The following MAP3K7 variants were observed in gnomAD, a reference collection of about 807,000 sequenced individuals.
MAP3K7 encodes the protein mitogen-activated protein kinase kinase kinase 7, also known as TGF-beta activated kinase 1.
A neutral mutation model predicts 84.8 loss-of-function variants in MAP3K7; 21 were observed. The ratio of observed to expected loss-of-function variants is 0.25; its 90% CI spans 0.18 to 0.36. The LOEUF is 0.36. MAP3K7 is among the 10% of genes least tolerant of loss of function. The pLI is 1.00. For missense variants in MAP3K7, 503 were observed against 747.7 expected, an observed-to-expected ratio of 0.67 and a Z score of 3.82; for synonymous variants, 241 against 247.7, an observed-to-expected ratio of 0.97 and a Z score of 0.25.
intron 3 of MAP3K7, among the ~76,000 whole-genome samples, chr6:90,562,507 G>A (rs1776557081): frequency 6.6e-6 from 1 of 152,168 alleles, no homozygotes. Flanking sequence ...CAACTGCAAG[G>A]CGGCAGCGAC....
At chr6:90,544,258 C>T (rs1351631558) in intron 12 of MAP3K7, among the ~76,000 whole-genome samples, 1 of 152,034 alleles carries the variant, frequency 6.6e-6, no homozygotes, top group South Asian at 2.1e-4. Context: ...GGGTTTAGCT[C>T]ATGTGCTCAC....
At chr6:90,529,638 A>G (rs1218528477) in intron 13 of MAP3K7, among the ~76,000 whole-genome samples, 1 of 152,186 alleles carries the variant, frequency 6.6e-6, no homozygotes, top group African/African-American at 2.4e-5. Flanking sequence ...TTATCTATCT[A>G]TAAGGTTATA....
At chr6:90,564,556 C>T (rs1057420662) in intron 3 of MAP3K7, among the ~76,000 whole-genome samples, 41 of 152,234 alleles carry the variant, frequency 2.7e-4, no homozygotes, top group Non-Finnish European at 1.6e-4. Context: ...ACAGGAGCAC[C>T]CAGATTCATA....
intron 9 of MAP3K7, among the ~76,000 whole-genome samples, 174 bp from the exon 10 acceptor site, chr6:90,548,351 A>T (rs1776071016): frequency 1.3e-5 from 2 of 152,226 alleles, no homozygotes; most frequent in Non-Finnish European, 2.9e-5. Context: ...AAACTTAAGG[A>T]TAGCACAAAA....
intron 1 of MAP3K7, among the ~76,000 whole-genome samples, chr6:90,582,507 G>C (rs1283332451): frequency 6.6e-6 from 1 of 152,154 alleles, no homozygotes; most frequent in East Asian, 1.9e-4. Context: ...AAAAGATCTA[G>C]GTTGTTCAGG....
rs765394144 is a variant in MAP3K7, at chr6:90,536,434, A to T, written c.1292-33T>A. On this transcript the variant is annotated intron_variant, in intron 12 of 16. Transcript: ENST00000369329. The stretch of plus-strand genomic sequence containing the variant: ...AAGAAGAAAAAAAGTAAAATACTAA[A>T]ATCTAGTCAAACAGACAAAAAGCGT... 11 of 1,537,984 alleles carry T rather than the reference A, an allele frequency of 7.2e-6. No homozygotes were observed. The South Asian group carries it at 9.0e-5, about 13-fold the overall frequency.
Position 90,547,356 on chromosome 6 carries a change from G to C in MAP3K7, c.1112C>G (p.Ser371Cys). The C allele has an allele frequency of 6.2e-7, 1 of 1,612,368 alleles. No homozygotes were observed. The highest frequency in any genetic ancestry group is 8.5e-7 in the Non-Finnish European group (1 of 1,179,366). ...SESGRLSLGA[S>C]RGSSVESLPP... ...CAAGCTCTCCACACTGCTCCCACGG[G>C]AGGCTCCCAAGCTTAAACGTCCAGA... is the stretch of plus-strand genomic sequence containing the variant. The change falls in exon 11 of 17, where the codon TCC becomes TGC. Residue 371 changes from serine (S) to cysteine (C), a missense_variant. Coordinates refer to ENST00000369329, the MANE Select transcript of MAP3K7 (RefSeq NM_145331.3).
intron 8 of MAP3K7, chr6:90,550,796 A>T: frequency 3.0e-6 from 1 of 330,040 alleles, no homozygotes; most frequent in South Asian, 5.1e-5. Flanking sequence ...CTAGAGAAAC[A>T]TATGAAATAA....
chr6:90,516,596 C>T lies in MAP3K7; in HGVS notation c.1726G>A (p.Asp576Asn). 3.7e-6 allele frequency: 6 copies of T among 1,612,582 alleles called. No homozygotes were observed. Among genetic ancestry groups the T allele is most frequent in the Non-Finnish European group, 5.1e-6 (6 of 1,179,050 alleles). ...TAAGTAGAAAGGCTTTTGTTTTCAT[C>T]TAAAAGCTTTTTATGTTCCTGTACC... ...RLVQEHKKLL[D>N]ENKSLSTYYQ... is the part of the protein sequence containing the mutation. Residue 576 changes from aspartate (D) to asparagine (N), a missense_variant, in exon 17 of 17, where the codon GAT becomes AAT. By Grantham distance (23) the Asp-to-Asn change is conservative. Transcript: ENST00000369329.
At chr6:90,576,473 A>ACACACAC (rs1554186475) in intron 1 of MAP3K7, among the ~76,000 whole-genome samples, 1 of 148,990 alleles carries the variant, frequency 6.7e-6, no homozygotes, top group Non-Finnish European at 1.5e-5. Flanking sequence ...ACACACACAG[A>ACACACAC]AGAAACAACT....
intron 16 of MAP3K7, among the ~76,000 whole-genome samples, chr6:90,517,827 T>C (rs1462745224): frequency 1.3e-5 from 2 of 151,806 alleles, no homozygotes; most frequent in African/African-American, 2.4e-5. Flanking sequence ...ATCATACATA[T>C]ATAAAGTTGC....
intron 1 of MAP3K7, among the ~76,000 whole-genome samples, chr6:90,585,281 G>A (rs1156625371): frequency 6.6e-6 from 1 of 151,036 alleles, no homozygotes; most frequent in East Asian, 1.9e-4. Context: ...GTAAAATGAG[G>A]ATATTCTCAA....
chr6:90,573,834 T>G (rs1246608673), intron 1 of MAP3K7, among the ~76,000 whole-genome samples: 1 of 152,234 alleles, frequency 6.6e-6, no homozygotes, highest in South Asian at 2.1e-4. Context: ...CCAACTTCTC[T>G]GGTAGCTAGT....
intron 1 of MAP3K7, among the ~76,000 whole-genome samples, chr6:90,584,047 ATTAT>A (rs1450935252): frequency 1.3e-5 from 2 of 152,134 alleles, no homozygotes; most frequent in Admixed American, 1.3e-4. Context: ...TAGTTGAATT[ATTAT>A]TTTTTTTACA....
chr6:90,529,303 T>G (rs1188313841), intron 13 of MAP3K7, among the ~76,000 whole-genome samples: 1 of 152,156 alleles, frequency 6.6e-6, no homozygotes, highest in East Asian at 1.9e-4. Flanking sequence ...GCACAGGGCA[T>G]GCATAAAACT....
In MAP3K7 at chr6:90,553,624, T is replaced by G. The variant is rs200702502; in HGVS notation, c.608-38A>C. ...AAGGTAGTATATAACCTAAAGACTA[T>G]TTTTCCACATGACTTACAGAAACAA... is the stretch of plus-strand genomic sequence containing the variant. On this transcript the variant is annotated intron_variant, in intron 6 of 16. Transcript: ENST00000369329. 5 of 1,554,588 alleles carry G rather than the reference T, an allele frequency of 3.2e-6. No homozygotes were observed. In the South Asian group the frequency reaches 6.0e-5, roughly 19 times the overall value.
At chr6:90,536,548 G>T in intron 12 of MAP3K7, 147 bp from the exon 13 acceptor site, 8 of 431,058 alleles carry the variant, frequency 1.9e-5, no homozygotes, top group Non-Finnish European at 2.9e-5. Flanking sequence ...TTATTGCTAA[G>T]AAAAAAAAAA....
rs1775075388 is a variant in MAP3K7 at position 90,519,389 on chromosome 6, GAATGA to G, written c.1463-75_1463-71del. ...TTATAAACGAACAGCAAGAAAGCAT[GAATGA>G]AATGCTTTTTTTCCCTAAAGTAAAT... On this transcript the variant is annotated intron_variant, in intron 14 of 16. Coordinates refer to ENST00000369329, the MANE Select transcript of MAP3K7 (RefSeq NM_145331.3). The G allele has an allele frequency of 2.5e-5, 25 of 987,450 alleles. No individual in the cohort carries two copies. The South Asian group carries it at 3.7e-4, about 15-fold the overall frequency. 61.2% of individuals were successfully genotyped at this position (987,450 alleles called of 1,614,324 possible). A position where few individuals can be genotyped will look rare whatever the true frequency, so the allele number is the denominator to read the frequency against.
At chr6:90,569,031 C>T (rs1425025965) in intron 2 of MAP3K7, among the ~76,000 whole-genome samples, 1 of 152,176 alleles carries the variant, frequency 6.6e-6, no homozygotes, top group Non-Finnish European at 1.5e-5. Flanking sequence ...TTGTTATCAT[C>T]TTCATAGCTA....
Sources: allele counts gnomAD v4.1 joint callset (sites outside exome capture counted in the v4.1 genomes callset), GRCh38; gene constraint gnomAD v4.1.1; transcripts MANE v1.5; gene names NCBI Gene and HGNC (gene_info 2026-07-23, HGNC 2026-07-21).